NOCT: variants seen among roughly 807,000 people sequenced by gnomAD.
The protein encoded by NOCT is CCR4 carbon catabolite repression 4-like.
Under a neutral mutation model 35.0 loss-of-function variants are expected in NOCT, and 18 were observed. The ratio of observed to expected loss-of-function variants is 0.51; its 90% CI spans 0.36 to 0.76. The LOEUF is 0.76. NOCT is among the 30% of genes least tolerant of loss of function. The probability of loss-of-function intolerance (pLI) is 0.01; values close to 1 mark genes in which losing one functional copy is unlikely to be tolerated. For synonymous variants in NOCT, 235 were observed against 226.3 expected, an observed-to-expected ratio of 1.04 and a Z score of -0.34; for missense variants, 479 against 541.0, an observed-to-expected ratio of 0.89 and a Z score of 1.14.
rs920030525 is a variant in NOCT, at chr4:139,019,792, C to G, written c.190+3621C>G. Among the ~76,000 whole-genome samples the G allele has an allele frequency of 2.6e-5, 4 of 152,138 alleles. No individual in the cohort carries two copies. The East Asian group carries it at 7.7e-4, about 29-fold the overall frequency. On this transcript the variant is annotated intron_variant, in intron 1 of 2. Coordinates refer to ENST00000280614, the MANE Select transcript of NOCT (RefSeq NM_012118.4). ...AGCCCCCCTAAGAAGTAGCAGTTGC[C>G]ACAGTTACTGTACTGGATGAAACGC...
chr4:139,021,216 G>A (rs1726406677), intron 1 of NOCT, among the ~76,000 whole-genome samples: 1 of 152,044 alleles, frequency 6.6e-6, no homozygotes, highest in Non-Finnish European at 1.5e-5. Flanking sequence ...TGCCCAGGCT[G>A]GTCTCGAAAT....
intron 1 of NOCT, among the ~76,000 whole-genome samples, chr4:139,035,352 T>C (rs936821886): frequency 3.9e-5 from 6 of 152,030 alleles, no homozygotes; most frequent in East Asian, 1.9e-4. Context: ...CCCAGGCTGG[T>C]CTCAAACTCC....
rs1726870533 is a variant in NOCT, at chr4:139,043,264, G to A, written c.381G>A (p.Arg127=). 1.9e-6 allele frequency: 3 copies of A among 1,614,034 alleles called. No individual in the cohort carries two copies. Among genetic ancestry groups the A allele is most frequent in the African/African-American group, 1.3e-5 (1 of 74,928 alleles). The change falls in exon 2 of 3, where the codon AGG becomes AGA. Residue 127 remains arginine (R), a synonymous_variant. Transcript: ENST00000280614. Reference sequence around the variant, plus strand: ...ACACCCGACCTCCCCGGTTCCAGAGGGATTTTGTGGATCTGAGGACAGATT... The same window carrying A: ...ACACCCGACCTCCCCGGTTCCAGAGAGATTTTGTGGATCTGAGGACAGATT... The part of the protein sequence containing the change: ...VLHTRPPRFQ[R]DFVDLRTDCP...
rs188821209 is a variant in NOCT at position 139,022,186 on chromosome 4, G to A, written c.190+6015G>A. 8.9e-4 allele frequency among the ~76,000 whole-genome samples: 135 copies of A among 152,292 alleles called. 3 individuals carry two copies. In the East Asian group the frequency reaches 0.018, roughly 20 times the overall value. On this transcript the variant is annotated intron_variant, in intron 1 of 2. Coordinates refer to ENST00000280614, the MANE Select transcript of NOCT (RefSeq NM_012118.4). ...ATAGTAAACCTGTTTGGACTTCCAC[G>A]GAAAGCAGCTAAGATACTTTTTATT...
chr4:139,041,735 G>A (rs961127564), intron 1 of NOCT, among the ~76,000 whole-genome samples: 1 of 152,180 alleles, frequency 6.6e-6, no homozygotes, highest in African/African-American at 2.4e-5. Context: ...GTAGTGCCCT[G>A]GATGGAAGTT....
At chr4:139,041,167 A>G (rs1726827000) in intron 1 of NOCT, among the ~76,000 whole-genome samples, 1 of 152,164 alleles carries the variant, frequency 6.6e-6, no homozygotes, top group South Asian at 2.1e-4. Flanking sequence ...GGGAAAAACT[A>G]CTTTGAGTAG....
In NOCT at chr4:139,045,583, C is replaced by G; in HGVS notation, c.*109C>G. 1.7e-6 allele frequency: 1 copy of G among 597,028 alleles called. No homozygotes were observed. Among genetic ancestry groups the G allele is most frequent in the Non-Finnish European group, 2.7e-6 (1 of 374,920 alleles). 37.0% of individuals were successfully genotyped at this position (597,028 alleles called of 1,614,324 possible). On this transcript the variant is annotated 3_prime_UTR_variant, in exon 3 of 3. Coordinates refer to ENST00000280614, the MANE Select transcript of NOCT (RefSeq NM_012118.4). Reference sequence around the variant, plus strand: ...CTAGGCTGGAGTACAGTGGCCTGATCTCGGCTCACTGCAAGATCCGCCTCC... The same window carrying G: ...CTAGGCTGGAGTACAGTGGCCTGATGTCGGCTCACTGCAAGATCCGCCTCC...
chr4:139,029,851 C>T (rs1388414916), intron 1 of NOCT, among the ~76,000 whole-genome samples: 1 of 152,200 alleles, frequency 6.6e-6, no homozygotes, highest in Non-Finnish European at 1.5e-5. Flanking sequence ...GATTTTCTAG[C>T]TGATGGGTGC....
intron 1 of NOCT, among the ~76,000 whole-genome samples, chr4:139,029,194 A>G (rs970556052): frequency 2.6e-5 from 4 of 152,252 alleles, no homozygotes; most frequent in Admixed American, 2.0e-4. Flanking sequence ...AGAATGAAAC[A>G]GAATAGCTAA....
At chr4:139,017,963 C>G (rs1726343563) in intron 1 of NOCT, among the ~76,000 whole-genome samples, 1 of 152,074 alleles carries the variant, frequency 6.6e-6, no homozygotes, top group African/African-American at 2.4e-5. Context: ...GACTCTGGAG[C>G]AGTTGAGATT....
chr4:139,028,469 G>C (rs1726563003), intron 1 of NOCT: 1 of 152,346 alleles, frequency 6.6e-6, no homozygotes, highest in Non-Finnish European at 1.5e-5. Flanking sequence ...GCGGGTCGTG[G>C]CACTGCTTTG....
chr4:139,025,028 A>C (rs569114672), intron 1 of NOCT, among the ~76,000 whole-genome samples: 28 of 152,256 alleles, frequency 1.8e-4, no homozygotes, highest in Non-Finnish European at 3.4e-4. Flanking sequence ...GTTTCCTTCT[A>C]TATTCTTCAG....
At chr4:139,042,071 C>CTTTTTTTTTTTTTT (rs368776726) in intron 1 of NOCT, among the ~76,000 whole-genome samples, 2 of 108,746 alleles carry the variant, frequency 1.8e-5, no homozygotes, top group African/African-American at 3.5e-5. Flanking sequence ...TCTTTAAGAT[C>CTTTTTTTTTTTTTT]TTTTTTTTTT....
intron 1 of NOCT, among the ~76,000 whole-genome samples, chr4:139,030,136 C>G (rs1726598365): frequency 6.6e-6 from 1 of 152,178 alleles, no homozygotes; most frequent in Non-Finnish European, 1.5e-5. Context: ...GCCTTGCCCT[C>G]TCAAAGTGCT....
At chr4:139,018,247 G>T (rs746387882) in intron 1 of NOCT, among the ~76,000 whole-genome samples, 7 of 152,174 alleles carry the variant, frequency 4.6e-5, no homozygotes, top group African/African-American at 2.4e-5. Flanking sequence ...GATGTCTTCT[G>T]TACCAGCTTA....
intron 1 of NOCT, among the ~76,000 whole-genome samples, chr4:139,029,766 C>G (rs1726593143): frequency 6.6e-6 from 1 of 152,152 alleles, no homozygotes; most frequent in Admixed American, 6.6e-5. Context: ...AAGCCCACAT[C>G]ATGCAAAATT....
At position 139,043,157 on chromosome 4, in the gene NOCT, G is replaced by C; in HGVS notation, c.274G>C (p.Glu92Gln). 1.9e-6 allele frequency: 3 copies of C among 1,614,120 alleles called. No individual in the cohort carries two copies. The highest frequency in any genetic ancestry group is 8.5e-7 in the Non-Finnish European group (1 of 1,179,996). The change falls in exon 2 of 3, where the codon GAG becomes CAG. Residue 92 changes from glutamate (E) to glutamine (Q), a missense_variant. Around this residue, in one of 2 missense-constraint regions of NOCT, gnomAD observed 265 missense variants for 257.0 expected, o/e 1.03. Transcript: ENST00000280614. Reference sequence around the variant, plus strand: ...CAGCAGCGCTGCCTCCCAGCACCCAGAGTATTTGGTGTCACCTGACCCAGA... The same window carrying C: ...CAGCAGCGCTGCCTCCCAGCACCCACAGTATTTGGTGTCACCTGACCCAGA... Reference protein sequence around the residue: ...LNSSAASQHPEYLVSPDPEHL... With the variant: ...LNSSAASQHPQYLVSPDPEHL...
At chr4:139,021,748 A>G (rs997004135) in intron 1 of NOCT, among the ~76,000 whole-genome samples, 2 of 137,398 alleles carry the variant, frequency 1.5e-5, no homozygotes, top group Non-Finnish European at 3.1e-5. Flanking sequence ...ACTGGTGACT[A>G]ATTACAGTTT....
chr4:139,038,399 A>C (rs978544822), intron 1 of NOCT, among the ~76,000 whole-genome samples: 2 of 152,086 alleles, frequency 1.3e-5, no homozygotes, highest in African/African-American at 4.8e-5. Context: ...AGAGGATCTC[A>C]GGCCAAATAA....
Sources: allele counts gnomAD v4.1 joint callset (sites outside exome capture counted in the v4.1 genomes callset), GRCh38; gene constraint gnomAD v4.1.1; regional missense constraint gnomAD v4.1.1; transcripts MANE v1.5; gene names NCBI Gene and HGNC (gene_info 2026-07-23, HGNC 2026-07-21).